Variants in NF1 observed in about 807,000 individuals in gnomAD.
The protein encoded by NF1 is neurofibromin 1.
Under a neutral mutation model 325.7 loss-of-function variants are expected in NF1, and 122 were observed. The observed-to-expected ratio is 0.37, with a 90% CI of 0.32 to 0.44. The LOEUF is 0.44. Among genes scored for constraint, NF1 ranks in the 20% least tolerant of loss-of-function variants. NF1 has a pLI of 1.00. For missense variants in NF1, 2,140 were observed against 3,415.4 expected (o/e 0.63, Z 9.31); for synonymous variants, 1,091 against 1,186.0 (o/e 0.92, Z 1.65).
chr17:31,295,663 G>A (rs1446548511), intron 36 of NF1: 11 of 1,613,982 alleles, frequency 6.8e-6, no homozygotes, highest in Non-Finnish European at 9.3e-6. Flanking sequence ...ACCTGTTATT[G>A]TAAAGGGTTA....
At chr17:31,207,894 T>G (rs1395351708) in intron 12 of NF1, among the ~76,000 whole-genome samples, 4 of 152,200 alleles carry the variant, frequency 2.6e-5, no homozygotes, top group Non-Finnish European at 4.4e-5. Context: ...TGACCTCCAA[T>G]AATAGGACTT....
At position 31,232,730 on chromosome 17, in the gene NF1, T is replaced by C. The variant is rs1443772199; in HGVS notation, c.3345T>C (p.Asn1115=). Residue 1115 remains asparagine, a synonymous_variant, in exon 26 of 58, where the codon AAT becomes AAC. Coordinates refer to ENST00000358273, the MANE Select transcript of NF1 (RefSeq NM_001042492.3). Reference sequence around the variant, plus strand: ...TCACATTATTTATGAACCTTTTGAATGACTGCAGTGAAGTTGAAGATGAAA... The same window carrying C: ...TCACATTATTTATGAACCTTTTGAACGACTGCAGTGAAGTTGAAGATGAAA... The part of the protein sequence containing the change: ...KYFTLFMNLL[N]DCSEVEDESA... 2.5e-6 allele frequency: 4 copies of C among 1,613,930 alleles called. No individual in the cohort carries two copies. In the African/African-American group the frequency reaches 4.0e-5, roughly 16 times the overall value.
chr17:31,257,491 C>T (rs758774060), intron 31 of NF1, among the ~76,000 whole-genome samples: 4 of 152,112 alleles, frequency 2.6e-5, no homozygotes, highest in East Asian at 1.9e-4. Flanking sequence ...GCACTCTTCC[C>T]GAGCTAAGGT....
intron 36 of NF1, among the ~76,000 whole-genome samples, chr17:31,306,451 C>T (rs920939071): frequency 6.6e-6 from 1 of 151,974 alleles, no homozygotes; most frequent in African/African-American, 2.4e-5. Flanking sequence ...TCAGCAAATT[C>T]AACATATTTA....
rs1280888609 is a variant in NF1, at chr17:31,371,808, AAC to A, written c.8378-2203_8378-2202del. 5.3e-5 allele frequency among the ~76,000 whole-genome samples: 8 copies of A among 152,346 alleles called. No individual in the cohort carries two copies. In the East Asian group the frequency reaches 1.5e-3, roughly 29 times the overall value. On this transcript the variant is annotated intron_variant, in intron 57 of 57. Coordinates refer to ENST00000358273, the MANE Select transcript of NF1 (RefSeq NM_001042492.3). ...GCCTGATGCAGTGCACATGTTCATA[AAC>A]AGTCACTGACAAATGCCCATGTTCC...
intron 18 of NF1, 47 bp from the exon 19 acceptor site, chr17:31,227,171 G>C (rs2067029298): frequency 1.9e-6 from 3 of 1,586,132 alleles, no homozygotes; most frequent in Non-Finnish European, 2.6e-6. Flanking sequence ...CCATTGGCAG[G>C]CAGGGCTCTA....
At chr17:31,253,979 T>G (rs1369690331) in intron 31 of NF1, 1 of 152,124 alleles carries the variant, frequency 6.6e-6, no homozygotes, top group East Asian at 1.9e-4. Flanking sequence ...TAATAAAAGC[T>G]TTATGGCTGG....
At chr17:31,304,809 T>C in intron 36 of NF1, 1 of 1,614,060 alleles carries the variant, frequency 6.2e-7, no homozygotes, top group Non-Finnish European at 8.5e-7. Context: ...AAATGATTGA[T>C]GTACGTTTTG....
At chr17:31,196,619 G>A (rs2066437889) in intron 8 of NF1, among the ~76,000 whole-genome samples, 1 of 103,198 alleles carries the variant, frequency 9.7e-6, no homozygotes, top group East Asian at 2.4e-4. Flanking sequence ...CAAATCCAAT[G>A]TTGAAAATAT....
At chr17:31,106,144 A>G (rs1912842819) in intron 1 of NF1, among the ~76,000 whole-genome samples, 1 of 152,204 alleles carries the variant, frequency 6.6e-6, no homozygotes, top group Non-Finnish European at 1.5e-5. Flanking sequence ...CCTACTATGT[A>G]GTAAAAGAAA....
intron 36 of NF1, chr17:31,305,209 G>T (rs1393022212): frequency 6.2e-7 from 1 of 1,614,202 alleles, no homozygotes; most frequent in East Asian, 2.2e-5. Flanking sequence ...TTGTGTGGTA[G>T]AAGTACGGGC....
rs1471659235 is a variant in NF1 at position 31,181,411 on chromosome 17, G to T, written c.587-11G>T. Reference sequence around the variant, plus strand: ...TCTAGAGTTAATTTTTAAAAATTGTGTTTTTTCCAGAAACAGCATTTAAAT... The same window carrying T: ...TCTAGAGTTAATTTTTAAAAATTGTTTTTTTTCCAGAAACAGCATTTAAAT... On this transcript the variant is annotated splice_polypyrimidine_tract_variant and intron_variant, in intron 5 of 57. Coordinates refer to ENST00000358273, the MANE Select transcript of NF1 (RefSeq NM_001042492.3). The T allele has an allele frequency of 8.7e-6, 14 of 1,611,860 alleles. No homozygotes were observed. The highest frequency in any genetic ancestry group is 3.3e-4 in the Middle Eastern group (2 of 6,044).
At chr17:31,352,563 T>G in intron 51 of NF1, 149 bp downstream of exon 51, 1 of 680,374 alleles carries the variant, frequency 1.5e-6, no homozygotes, top group African/African-American at 1.8e-5. Context: ...GAGAGTTTGA[T>G]AGATCAGTTA....
intron 36 of NF1, among the ~76,000 whole-genome samples, chr17:31,302,377 A>G (rs2068593517): frequency 6.6e-6 from 1 of 152,182 alleles, no homozygotes; most frequent in Non-Finnish European, 1.5e-5. Flanking sequence ...GAGCCCATTA[A>G]GTAACTGTCA....
At chr17:31,360,015 C>A (rs1451962676) in intron 56 of NF1, 6 of 179,770 alleles carry the variant, frequency 3.3e-5, no homozygotes, top group Non-Finnish European at 7.2e-5. Context: ...GAATATCTGT[C>A]AACATGCAAA....
At chr17:31,272,950 T>C (rs1325859105) in intron 36 of NF1, among the ~76,000 whole-genome samples, 1 of 152,160 alleles carries the variant, frequency 6.6e-6, no homozygotes, top group Non-Finnish European at 1.5e-5. Context: ...ACCTATTTTC[T>C]ATTGAGGGCT....
intron 5 of NF1, among the ~76,000 whole-genome samples, chr17:31,172,150 G>T (rs1192424280): frequency 6.6e-6 from 1 of 152,066 alleles, no homozygotes; most frequent in African/African-American, 2.4e-5. Flanking sequence ...GGGCAACATA[G>T]AGAGACCCCC....
intron 8 of NF1, among the ~76,000 whole-genome samples, chr17:31,199,004 A>G (rs551446932): frequency 5.9e-5 from 9 of 151,922 alleles, no homozygotes; most frequent in South Asian, 2.1e-4. Context: ...TTGTTAACCT[A>G]TCTAGCTAGA....
intron 46 of NF1, among the ~76,000 whole-genome samples, chr17:31,339,612 T>C (rs2069767322): frequency 6.6e-6 from 1 of 152,156 alleles, no homozygotes; most frequent in Non-Finnish European, 1.5e-5. Flanking sequence ...GTCCCCATCT[T>C]CTAAGTGAAA....
Sources: allele counts gnomAD v4.1 joint callset (sites outside exome capture counted in the v4.1 genomes callset), GRCh38; gene constraint gnomAD v4.1.1; transcripts MANE v1.5; gene names NCBI Gene and HGNC (gene_info 2026-07-23, HGNC 2026-07-21).